Variants in MYO1F observed in about 807,000 individuals in gnomAD.
The protein encoded by MYO1F is unconventional myosin-If.
MYO1F carries 60 observed loss-of-function variants against 146.6 expected under a neutral mutation model. The ratio of observed to expected loss-of-function variants is 0.41; its 90% CI spans 0.33 to 0.51. The LOEUF (loss-of-function observed/expected upper bound fraction) is 0.51, where lower values mean the gene tolerates loss of function less well. Ranked by LOEUF, MYO1F falls within the 20% of genes least tolerant of loss-of-function variation. The pLI, the probability that MYO1F is intolerant of heterozygous loss-of-function variation, is 0.25. For synonymous variants in MYO1F, 602 were observed against 602.1 expected (o/e 1.00, Z 0.00); for missense variants, 1,274 against 1,534.3 (o/e 0.83, Z 2.83).
At chr19:8,567,740 C>G (rs2042031196) in intron 1 of MYO1F, among the ~76,000 whole-genome samples, 1 of 152,216 alleles carries the variant, frequency 6.6e-6, no homozygotes, top group Non-Finnish European at 1.5e-5. Flanking sequence ...CAGAGAGGAC[C>G]TTGGGGAGGA....
chr19:8,542,850 G>A (rs979407915), intron 14 of MYO1F, among the ~76,000 whole-genome samples: 7 of 151,448 alleles, frequency 4.6e-5, no homozygotes, highest in African/African-American at 7.3e-5. Context: ...TGATCCGCCC[G>A]CCTCAGCCTC....
At chr19:8,569,901 C>T (rs887158438) in intron 1 of MYO1F, among the ~76,000 whole-genome samples, 13 of 152,066 alleles carry the variant, frequency 8.5e-5, no homozygotes, top group African/African-American at 2.2e-4. Flanking sequence ...GGACAGGAGG[C>T]TGTGGTCAAG....
chr19:8,536,472 C>T (rs372596262), intron 18 of MYO1F, 27 bp downstream of exon 18: 70 of 1,606,718 alleles, frequency 4.4e-5, no homozygotes, highest in South Asian at 6.6e-5. Flanking sequence ...AAGGGGATGG[C>T]GAGGGCGGGG....
chr19:8,570,533 A>AT (rs1259618280), intron 1 of MYO1F, among the ~76,000 whole-genome samples: 6 of 151,238 alleles, frequency 4.0e-5, no homozygotes, highest in African/African-American at 1.2e-4. Flanking sequence ...CACCTGGCTA[A>AT]TTTTTGTGTT....
intron 15 of MYO1F, among the ~76,000 whole-genome samples, chr19:8,541,425 G>GT (rs4040643): frequency 0.02 from 1,782 of 87,928 alleles, 38 homozygotes; most frequent in East Asian, 0.056. Context: ...GTGTGTGTGT[G>GT]TTTTTTTTTT....
chr19:8,533,685 A>G (rs191123434), intron 19 of MYO1F, among the ~76,000 whole-genome samples: 49 of 152,226 alleles, frequency 3.2e-4, no homozygotes, highest in Admixed American at 6.6e-4. Context: ...ACCTTTAGAG[A>G]GTATGGCCAT....
At chr19:8,559,857 G>A (rs1974005638) in intron 1 of MYO1F, among the ~76,000 whole-genome samples, 1 of 151,540 alleles carries the variant, frequency 6.6e-6, no homozygotes, top group Non-Finnish European at 1.5e-5. Flanking sequence ...GGCTGAGGCA[G>A]GAGAATCGCT....
At chr19:8,559,640 G>A (rs1232280728) in intron 1 of MYO1F, among the ~76,000 whole-genome samples, 1 of 151,988 alleles carries the variant, frequency 6.6e-6, no homozygotes, top group Non-Finnish European at 1.5e-5. Flanking sequence ...ATAGACCGAG[G>A]CTGAGGGGCA....
chr19:8,526,470 C>T lies in MYO1F; in HGVS notation c.2753G>A (p.Gly918Glu). The change falls in exon 24 of 28, where the codon GGG (glycine) becomes GAG (glutamate). Residue 918 changes from glycine to glutamate, a missense_variant. Gly to Glu is a moderately conservative substitution (Grantham distance 98). This residue lies in a region of MYO1F where 374 missense variants were observed against 379.2 expected (regional missense o/e 0.99). Transcript: ENST00000644032. Reference sequence around the variant, plus strand: ...AGACTCACTGGAGCTCTTGGGCAGCCCATCGCCCACGCTGACCGTGAGGGT... The same window carrying T: ...AGACTCACTGGAGCTCTTGGGCAGCTCATCGCCCACGCTGACCGTGAGGGT... ...GRTLTVSVGD[G>E]LPKSSKPTRK... The T allele has an allele frequency of 6.4e-7, 1 of 1,560,094 alleles. No individual in the cohort carries two copies. Among genetic ancestry groups the T allele is most frequent in the Non-Finnish European group, 8.7e-7 (1 of 1,151,974 alleles).
intron 11 of MYO1F, 55 bp from the exon 12 acceptor site, chr19:8,548,177 G>A: frequency 6.2e-7 from 1 of 1,613,370 alleles, no homozygotes; most frequent in Non-Finnish European, 8.5e-7. Context: ...GGAAGTTCTT[G>A]TGGCCACCCT....
chr19:8,576,748 G>C (rs1026407736), intron 1 of MYO1F: 3 of 161,430 alleles, frequency 1.9e-5, no homozygotes, highest in Non-Finnish European at 4.1e-5. Context: ...CACAGGGAGG[G>C]CGTCAATCCA....
chr19:8,564,096 G>A (rs1467343819), intron 1 of MYO1F, among the ~76,000 whole-genome samples: 1 of 152,030 alleles, frequency 6.6e-6, no homozygotes, highest in Non-Finnish European at 1.5e-5. Context: ...AGAAGTGGGT[G>A]CTGGCCGGGC....
At chr19:8,522,254 C>T (rs1234328212) in intron 27 of MYO1F, 123 bp downstream of exon 27, 2 of 1,219,104 alleles carry the variant, frequency 1.6e-6, no homozygotes, top group East Asian at 2.5e-5. Context: ...GATCTCCTGA[C>T]CTCGTGATCT....
rs60806727 is a variant in MYO1F, at chr19:8,525,199, C to CAAAAA, written c.2854+275_2854+279dup. ...TGGGAGACAGAGTTGGACTCCATCT[C>CAAAAA]AAAAAAAAAAAAAAAAAAAAAAAGA... On this transcript the variant is annotated intron_variant, in intron 25 of 27. Coordinates refer to ENST00000644032, the MANE Select transcript of MYO1F (RefSeq NM_012335.4). 2.3e-3 allele frequency: 184 copies of CAAAAA among 80,330 alleles called. 3 individuals are homozygous for CAAAAA. Among genetic ancestry groups the CAAAAA allele is most frequent in the East Asian group, 6.4e-3 (26 of 4,036 alleles). The allele number at this position is 80,330 out of a possible 1,614,324, so 5.0% of individuals were successfully genotyped here. A position where few individuals can be genotyped will look rare whatever the true frequency, so the allele number is the denominator to read the frequency against.
At position 8,536,287 on chromosome 19, in the gene MYO1F, C is replaced by G; in HGVS notation, c.2008G>C (p.Gly670Arg). The G allele has an allele frequency of 6.2e-7, 1 of 1,607,834 alleles. No homozygotes were observed. ...VNMEPDQYQM[G>R]STKVFVKNPE... ...TTCTTGACAAAGACCTTGGTGCTCC[C>G]CATCTGGTACTGGTCGGGCTCCATG... The change falls in exon 19 of 28, where the codon GGG becomes CGG. Residue 670 changes from glycine to arginine, a missense_variant. Gly to Arg is a moderately radical substitution (Grantham distance 125). Transcript: ENST00000644032.
In MYO1F at chr19:8,521,440, C is replaced by T. The variant is rs1005833984; in HGVS notation, c.*88G>A. 38 of 1,405,970 alleles carry T rather than the reference C, an allele frequency of 2.7e-5. No homozygotes were observed. The African/African-American group carries it at 2.8e-4, about 10-fold the overall frequency. 87.1% of individuals were successfully genotyped at this position (1,405,970 alleles called of 1,614,324 possible). A position where few individuals can be genotyped will look rare whatever the true frequency, so the allele number is the denominator to read the frequency against. ...TTTAGGCTATTGCAGCCCAGGTAAA[C>T]GAGGCTCTCATTGGCAGGGCCTGGC... On this transcript the variant is annotated 3_prime_UTR_variant, in exon 28 of 28. Transcript: ENST00000644032.
At chr19:8,548,201 G>A (rs1176112410) in intron 11 of MYO1F, 36 bp downstream of exon 11, 1 of 1,613,588 alleles carries the variant, frequency 6.2e-7, no homozygotes, top group Admixed American at 1.7e-5. Context: ...CTGCCCCAGG[G>A]AGGACAGGAT....
At chr19:8,539,012 A>G (rs1364591333) in intron 16 of MYO1F, among the ~76,000 whole-genome samples, 2 of 152,170 alleles carry the variant, frequency 1.3e-5, no homozygotes, top group Non-Finnish European at 2.9e-5. Context: ...TAGGCTGGGT[A>G]CAGTGGCTCA....
rs1447579000 is a variant in MYO1F, at chr19:8,551,859, AGGCCCCT to A, written c.645_651del (p.Glu215AspfsTer12). The A allele has an allele frequency of 4.3e-6, 7 of 1,614,048 alleles. No homozygotes were observed. Among genetic ancestry groups the A allele is most frequent in the Non-Finnish European group, 5.9e-6 (7 of 1,180,006 alleles). On this transcript the variant is annotated frameshift_variant, in exon 8 of 28. Transcript: ENST00000644032. LOFTEE classifies it high-confidence loss of function. Reference sequence around the variant, plus strand: ...CCCAGGTTCTGCCTTTGCTCCTGGGAGGCCCCTTCCAGCAGCTGGAGGGTGTGCCATG... The same window carrying A: ...CCCAGGTTCTGCCTTTGCTCCTGGGATCCAGCAGCTGGAGGGTGTGCCATG...
Sources: gnomAD v4.1 joint callset for allele counts (sites outside exome capture counted in the v4.1 genomes callset) on GRCh38, gnomAD v4.1.1 for gene constraint, gnomAD v4.1.1 regional missense constraint, MANE v1.5 for transcripts, NCBI Gene and HGNC (gene_info 2026-07-23, HGNC 2026-07-21) for gene names.